COL27A1: variants seen among roughly 807,000 people sequenced by gnomAD.
COL27A1 encodes collagen alpha-1(XXVII) chain.
COL27A1 carries 106 observed loss-of-function variants against 251.3 expected under a neutral mutation model. That is an observed-to-expected ratio of 0.42 (90% confidence interval 0.36 to 0.50). The LOEUF (loss-of-function observed/expected upper bound fraction) is 0.50. Among genes scored for constraint, COL27A1 ranks in the 20% least tolerant of loss-of-function variants. COL27A1 has a pLI of 0.00. For missense variants in COL27A1, 2,325 were observed against 2,522.8 expected (o/e 0.92, Z 1.68); for synonymous variants, 1,000 against 986.3 (o/e 1.01, Z -0.26).
At chr9:114,254,490 G>C (rs1416167572) in intron 27 of COL27A1, among the ~76,000 whole-genome samples, 1 of 152,170 alleles carries the variant, frequency 6.6e-6, no homozygotes, top group African/African-American at 2.4e-5. Flanking sequence ...AAAGCCAGGG[G>C]TCAGGGCTGG....
intron 23 of COL27A1, among the ~76,000 whole-genome samples, chr9:114,245,486 A>C (rs1833068890): frequency 6.6e-6 from 1 of 152,142 alleles, no homozygotes; most frequent in Admixed American, 6.5e-5. Context: ...GGGCAGACCA[A>C]GGTTTCGGTT....
At chr9:114,192,970 C>G (rs1052421432) in intron 5 of COL27A1, among the ~76,000 whole-genome samples, 3 of 152,168 alleles carry the variant, frequency 2.0e-5, no homozygotes, top group African/African-American at 7.2e-5. Context: ...CCCACTGGCT[C>G]CTTGCCTGGA....
intron 21 of COL27A1, 113 bp downstream of exon 21, chr9:114,240,600 C>A (rs931659513): frequency 2.0e-6 from 2 of 1,008,606 alleles, no homozygotes; most frequent in African/African-American, 3.2e-5. Context: ...TCAGCCAGGA[C>A]ACCACCCAGG....
chr9:114,163,417 A>AAAG (rs1848628034), intron 2 of COL27A1, among the ~76,000 whole-genome samples: 1 of 150,530 alleles, frequency 6.6e-6, no homozygotes. Context: ...AAAAAAAAAA[A>AAAG]GGCATTAAGC....
chr9:114,183,608 A>G (rs13286608), intron 5 of COL27A1, among the ~76,000 whole-genome samples: 2 of 152,032 alleles, frequency 1.3e-5, no homozygotes, highest in African/African-American at 2.4e-5. Flanking sequence ...AAGGTGAGAG[A>G]CAGTTACAAA....
rs142550519 is a variant in COL27A1 at position 114,265,457 on chromosome 9, G to A, written c.3375G>A (p.Lys1125=). The change falls in exon 32 of 61, where the codon AAG becomes AAA. Residue 1125 remains lysine, a synonymous_variant. Transcript: ENST00000356083. ...IPGPSGPPGT[K]GLPGEPGPQG... is the part of the protein sequence containing the mutation. Reference sequence around the variant, plus strand: ...GTCCCTCAGGCCCCCCAGGCACCAAGGGCCTCCCAGGAGAACCGGTAAGAG... The same window carrying A: ...GTCCCTCAGGCCCCCCAGGCACCAAAGGCCTCCCAGGAGAACCGGTAAGAG... The A allele has an allele frequency of 1.9e-5, 30 of 1,613,728 alleles. No homozygotes were observed. The highest frequency in any genetic ancestry group is 2.4e-5 in the Non-Finnish European group (28 of 1,179,958).
intron 2 of COL27A1, among the ~76,000 whole-genome samples, chr9:114,166,863 G>A (rs915566190): frequency 6.6e-6 from 1 of 152,196 alleles, no homozygotes; most frequent in Non-Finnish European, 1.5e-5. Flanking sequence ...ATATCCATAC[G>A]CTTTGCCAGG....
intron 28 of COL27A1, 107 bp downstream of exon 28, chr9:114,258,701 G>A: frequency 3.4e-6 from 4 of 1,182,114 alleles, no homozygotes; most frequent in Non-Finnish European, 1.2e-6. Flanking sequence ...CCCAGCTCTG[G>A]GATCTGTGAC....
Position 114,205,756 on chromosome 9 carries a change from C to T in COL27A1, c.2170-3C>T. ...CCTTATGTTTCTCTCTGTTCCTTTG[C>T]AGGGGCAGCCAGGACCTGAGGGCAG... On this transcript the variant is annotated splice_region_variant and splice_polypyrimidine_tract_variant and intron_variant, in intron 8 of 60. Coordinates refer to ENST00000356083, the MANE Select transcript of COL27A1 (RefSeq NM_032888.4). The T allele has an allele frequency of 1.9e-6, 3 of 1,613,898 alleles. No homozygotes were observed. The highest frequency in any genetic ancestry group is 2.5e-6 in the Non-Finnish European group (3 of 1,179,772).
At chr9:114,174,068 C>T (rs1849520823) in intron 3 of COL27A1, among the ~76,000 whole-genome samples, 1 of 151,960 alleles carries the variant, frequency 6.6e-6, no homozygotes, top group Admixed American at 6.6e-5. Flanking sequence ...ACCTCCGCCT[C>T]CTGGGTTCAA....
intron 57 of COL27A1, among the ~76,000 whole-genome samples, chr9:114,305,845 G>A (rs1011735667): frequency 2.6e-5 from 4 of 152,196 alleles, no homozygotes; most frequent in African/African-American, 4.8e-5. Context: ...TCTGACACAC[G>A]TTCACACATG....
intron 54 of COL27A1, 46 bp downstream of exon 54, chr9:114,301,508 G>A: frequency 4.0e-6 from 6 of 1,488,810 alleles, no homozygotes; most frequent in Non-Finnish European, 5.6e-6. Flanking sequence ...CGTGGGGCGG[G>A]CACCCTGCAT....
rs1835448619 is a variant in COL27A1 at position 114,275,645 on chromosome 9, A to G, written c.3610-16A>G. Reference sequence around the variant, plus strand: ...TATTCTCTCTCTCTCTCCCCTCTTCATGCCCTGCCACCCAGGGGGACAGGG... The same window carrying G: ...TATTCTCTCTCTCTCTCCCCTCTTCGTGCCCTGCCACCCAGGGGGACAGGG... On this transcript the variant is annotated splice_polypyrimidine_tract_variant and intron_variant, in intron 36 of 60. Transcript: ENST00000356083. 1.3e-6 allele frequency: 2 copies of G among 1,518,684 alleles called. No homozygotes were observed. The highest frequency in any genetic ancestry group is 1.8e-6 in the Non-Finnish European group (2 of 1,121,416). 94.1% of individuals were successfully genotyped at this position (1,518,684 alleles called of 1,614,324 possible). A position where few individuals can be genotyped will look rare whatever the true frequency, so the allele number is the denominator to read the frequency against.
intron 12 of COL27A1, among the ~76,000 whole-genome samples, 199 bp downstream of exon 12, chr9:114,211,225 T>G (rs1830340539): frequency 6.6e-6 from 1 of 152,204 alleles, no homozygotes; most frequent in Non-Finnish European, 1.5e-5. Flanking sequence ...GGCTGGGGCT[T>G]CCATGGGCTC....
In COL27A1 at chr9:114,292,289, A is replaced by G; in HGVS notation, c.4584+79A>G. ...CACATACACCTACATGTACAAACAC[A>G]TGCACACTCATACACACACACAAAC... On this transcript the variant is annotated intron_variant, in intron 49 of 60. Coordinates refer to ENST00000356083, the MANE Select transcript of COL27A1 (RefSeq NM_032888.4). The G allele has an allele frequency of 8.3e-6, 9 of 1,082,776 alleles. 1 individual carries two copies. In the South Asian group the frequency reaches 1.2e-4, roughly 15 times the overall value. The allele number at this position is 1,082,776 out of a possible 1,614,324, so 67.1% of individuals were successfully genotyped here.
intron 8 of COL27A1, among the ~76,000 whole-genome samples, chr9:114,205,415 C>G (rs1279040851): frequency 3.3e-5 from 5 of 152,252 alleles, no homozygotes; most frequent in African/African-American, 1.2e-4. Flanking sequence ...CTGGCCTGTT[C>G]CGGGCGATGT....
chr9:114,197,657 G>A (rs1829248139), intron 7 of COL27A1, among the ~76,000 whole-genome samples: 1 of 152,204 alleles, frequency 6.6e-6, no homozygotes, highest in South Asian at 2.1e-4. Flanking sequence ...CTTGCATTAA[G>A]CAGATGTCCG....
In COL27A1 at chr9:114,167,805, G is replaced by A. The variant is rs762785718; in HGVS notation, c.250G>A (p.Ala84Thr). The change falls in exon 3 of 61, where the codon GCT (alanine) becomes ACT (threonine). Residue 84 changes from alanine (A) to threonine (T), a missense_variant. Coordinates refer to ENST00000356083, the MANE Select transcript of COL27A1 (RefSeq NM_032888.4). ...FIFTQRARLQ[A>T]PTGTVIPAAL... ...CTTTACGCAGCGGGCCCGGCTCCAG[G>A]CTCCCACGGGCACCGTCATTCCTGC... 1 of 1,613,276 alleles carries A rather than the reference G, an allele frequency of 6.2e-7. No homozygotes were observed. Among genetic ancestry groups the A allele is most frequent in the Non-Finnish European group, 8.5e-7 (1 of 1,179,972 alleles).
chr9:114,292,259 ACACT>A, intron 49 of COL27A1, 49 bp downstream of exon 49: 5 of 1,351,422 alleles, frequency 3.7e-6, no homozygotes, highest in Non-Finnish European at 4.1e-6. Flanking sequence ...ACACATGCAC[ACACT>A]CACATACACC....
Sources: allele counts gnomAD v4.1 joint callset (sites outside exome capture counted in the v4.1 genomes callset), GRCh38; gene constraint gnomAD v4.1.1; transcripts MANE v1.5; gene names NCBI Gene and HGNC (gene_info 2026-07-23, HGNC 2026-07-21).